SHANK2: variants seen among roughly 807,000 people sequenced by gnomAD.
SHANK2 encodes SH3 and multiple ankyrin repeat domains 2, also known as SH3 and multiple ankyrin repeat domains protein 2.
A neutral mutation model predicts 133.7 loss-of-function variants in SHANK2; 43 were observed. That is an observed-to-expected ratio of 0.32 (90% CI 0.25 to 0.41). The LOEUF is 0.41. Ranked by LOEUF, SHANK2 falls within the 10% of genes least tolerant of loss-of-function variation. SHANK2 has a pLI of 1.00. For missense variants in SHANK2, 1,994 were observed against 2,235.8 expected (o/e 0.89, Z 2.18); for synonymous variants, 1,017 against 952.8 (o/e 1.07, Z -1.24).
At position 70,485,472 on chromosome 11, in the gene SHANK2, G is replaced by A. The variant is rs782746185; in HGVS notation, c.4821C>T (p.Asp1607=). ...GAATCGGGCTTTTGATCTCTGTGAC[G>A]TCGCCCCACAACTTGGAGGTCCTTG... ...LQPRTSKLWG[D]VTEIKSPILS... Residue 1607 remains aspartate, a synonymous_variant, in exon 25 of 26, where the codon GAC becomes GAT. Coordinates refer to ENST00000601538, the MANE Select transcript of SHANK2 (RefSeq NM_012309.5). This position sits in a 1 kb window ranked among gnomAD's most constrained non-coding sequence, Gnocchi z 5.8. 5 of 1,613,760 alleles carry A rather than the reference G, an allele frequency of 3.1e-6. No homozygotes were observed. Among genetic ancestry groups the A allele is most frequent in the Non-Finnish European group, 3.4e-6 (4 of 1,180,040 alleles).
intron 2 of SHANK2, among the ~76,000 whole-genome samples, chr11:71,173,167 TG>T (rs1555112554): frequency 6.6e-6 from 1 of 152,260 alleles, no homozygotes; most frequent in Non-Finnish European, 1.5e-5. Context: ...ACTGGTCTTT[TG>T]TGACTATAAA....
At chr11:70,687,906 A>G (rs1555020037) in intron 15 of SHANK2, among the ~76,000 whole-genome samples, 1 of 151,932 alleles carries the variant, frequency 6.6e-6, no homozygotes, top group African/African-American at 2.4e-5. Context: ...CGGTGTCCCC[A>G]CCATCCACCC....
rs151214549 is a variant in SHANK2 at position 71,102,059 on chromosome 11, A to G, written c.593-7371T>C. Among the ~76,000 whole-genome samples, 40 of 152,302 alleles carry G rather than the reference A, an allele frequency of 2.6e-4. No individual in the cohort carries two copies. In the East Asian group the frequency reaches 7.1e-3, roughly 27 times the overall value. ...AGAGTCGAAAGGCATTTCTAGCTTT[A>G]TTAGCCAGATCTCTTTTGTGGTGCC... On this transcript the variant is annotated intron_variant, in intron 6 of 25. Coordinates refer to ENST00000601538, the MANE Select transcript of SHANK2 (RefSeq NM_012309.5).
intron 17 of SHANK2, among the ~76,000 whole-genome samples, chr11:70,621,139 C>T (rs1000862067): frequency 3.9e-5 from 6 of 152,298 alleles, no homozygotes; most frequent in Admixed American, 6.5e-5. Context: ...CCCGACTTCA[C>T]CTCTACAGGC....
chr11:71,241,827 C>A (rs369265878), intron 1 of SHANK2, among the ~76,000 whole-genome samples: 11 of 152,158 alleles, frequency 7.2e-5, no homozygotes, highest in South Asian at 2.1e-4. Context: ...TAGGCTGGAG[C>A]GAGTGGGTAA....
At chr11:70,797,998 T>A (rs1204439368) in intron 14 of SHANK2, among the ~76,000 whole-genome samples, 2 of 152,180 alleles carry the variant, frequency 1.3e-5, no homozygotes, top group African/African-American at 4.8e-5. Flanking sequence ...CTGGAATGGC[T>A]TCCCGTCGGA....
At chr11:70,585,786 C>T (rs2060241146) in intron 17 of SHANK2, among the ~76,000 whole-genome samples, 1 of 151,736 alleles carries the variant, frequency 6.6e-6, no homozygotes, top group Non-Finnish European at 1.5e-5. Context: ...CTCTATCCAT[C>T]CATCCACTTA....
At chr11:70,735,419 C>T (rs1946383309) in intron 14 of SHANK2, among the ~76,000 whole-genome samples, 1 of 152,184 alleles carries the variant, frequency 6.6e-6, no homozygotes, top group African/African-American at 2.4e-5. Context: ...AGAAAATGTG[C>T]AGAGGGCTGG....
intron 11 of SHANK2, among the ~76,000 whole-genome samples, chr11:70,879,453 G>C (rs1949622537): frequency 6.6e-6 from 1 of 152,226 alleles, no homozygotes; most frequent in South Asian, 2.1e-4. Flanking sequence ...AATGCAGGGA[G>C]TGGTGAGGGA....
chr11:70,565,688 C>T (rs184965490), intron 17 of SHANK2, among the ~76,000 whole-genome samples: 1 of 152,324 alleles, frequency 6.6e-6, no homozygotes, highest in Non-Finnish European at 1.5e-5. Context: ...TGATCACTAT[C>T]ATTTATTACC....
chr11:70,495,120 C>A (rs1343251636), intron 21 of SHANK2, among the ~76,000 whole-genome samples: 1 of 152,134 alleles, frequency 6.6e-6, no homozygotes, highest in Non-Finnish European at 1.5e-5. Flanking sequence ...GCTGTCCTCA[C>A]CTGCGTTCAA....
At chr11:70,914,540 G>A (rs1031580123) in intron 10 of SHANK2, among the ~76,000 whole-genome samples, 1 of 151,750 alleles carries the variant, frequency 6.6e-6, no homozygotes, top group African/African-American at 2.4e-5. Context: ...GAGGAGGGTT[G>A]GGCACGGTAG....
chr11:70,893,042 T>C (rs544212094), intron 11 of SHANK2, among the ~76,000 whole-genome samples: 1 of 152,280 alleles, frequency 6.6e-6, no homozygotes, highest in South Asian at 2.1e-4. Flanking sequence ...CAAGGTCAGC[T>C]TCTAGGGGAG....
At chr11:70,952,191 C>A (rs530076118) in intron 10 of SHANK2, among the ~76,000 whole-genome samples, 1 of 152,302 alleles carries the variant, frequency 6.6e-6, no homozygotes, top group South Asian at 2.1e-4. Flanking sequence ...CCTGCTGTGC[C>A]GTCTGGCCAG....
chr11:70,944,178 A>C (rs1950686730), intron 10 of SHANK2, among the ~76,000 whole-genome samples: 1 of 152,236 alleles, frequency 6.6e-6, no homozygotes, highest in Non-Finnish European at 1.5e-5. Context: ...CCAAGTTCTG[A>C]CAGAGGTGTA....
At chr11:71,157,363 A>C (rs1276522621) in intron 2 of SHANK2, among the ~76,000 whole-genome samples, 1 of 152,244 alleles carries the variant, frequency 6.6e-6, no homozygotes, top group East Asian at 1.9e-4. Flanking sequence ...GGTGTGTTCT[A>C]TTAAGACATT....
At chr11:70,894,849 G>C (rs1949909236) in intron 11 of SHANK2, among the ~76,000 whole-genome samples, 3 of 152,182 alleles carry the variant, frequency 2.0e-5, no homozygotes, top group African/African-American at 7.2e-5. Context: ...CCCTGGTCAA[G>C]AGAGTCCCAC....
At chr11:70,940,567 C>A (rs1370742675) in intron 10 of SHANK2, among the ~76,000 whole-genome samples, 1 of 152,026 alleles carries the variant, frequency 6.6e-6, no homozygotes, top group Non-Finnish European at 1.5e-5. Context: ...TCACAGCAGG[C>A]CCAGGACACA....
chr11:70,660,065 C>T, intron 16 of SHANK2, 113 bp from the exon 17 acceptor site: 1 of 1,394,374 alleles, frequency 7.2e-7, no homozygotes, highest in South Asian at 1.2e-5. Context: ...TCTCCCATTG[C>T]AGGTGGCTAG....
Sources: gnomAD v4.1 joint callset for allele counts (sites outside exome capture counted in the v4.1 genomes callset) on GRCh38, gnomAD v4.1.1 for gene constraint, Gnocchi (gnomAD v3.1) non-coding constraint, MANE v1.5 for transcripts, NCBI Gene and HGNC (gene_info 2026-07-23, HGNC 2026-07-21) for gene names.